PLCL1: variants seen among roughly 807,000 people sequenced by gnomAD.
PLCL1 encodes the protein inactive phospholipase C-like protein 1.
In PLCL1, 41 loss-of-function variants were observed where a neutral mutation model predicts 84.4. The observed-to-expected ratio is 0.49, with a 90% CI of 0.38 to 0.63. PLCL1 has a LOEUF of 0.63. Ranked by LOEUF, PLCL1 falls within the 30% of genes least tolerant of loss-of-function variation. The probability of loss-of-function intolerance (pLI) is 0.00; values close to 1 mark genes in which losing one functional copy is unlikely to be tolerated. For missense variants in PLCL1, 1,206 were observed against 1,367.8 expected, an observed-to-expected ratio of 0.88 and a Z score of 1.87; for synonymous variants, 490 against 488.3, an observed-to-expected ratio of 1.00 and a Z score of -0.05.
Position 197,805,271 on chromosome 2 carries a change from C to G in PLCL1, c.172C>G (p.Pro58Ala). 2 of 1,280,732 alleles carry G rather than the reference C, an allele frequency of 1.6e-6. No homozygotes were observed. The highest frequency in any genetic ancestry group is 2.0e-6 in the Non-Finnish European group (2 of 1,015,436). The allele number at this position is 1,280,732 out of a possible 1,614,324, so 79.3% of individuals were successfully genotyped here. A position where few individuals can be genotyped will look rare whatever the true frequency, so the allele number is the denominator to read the frequency against. Residue 58 changes from proline (P) to alanine (A), a missense_variant, in exon 1 of 6, where the codon CCA (proline) becomes GCA (alanine). By Grantham distance (27) the Pro-to-Ala change is conservative (BLOSUM62 -1). Transcript: ENST00000428675. This position sits in a 1 kb window ranked among gnomAD's most constrained non-coding sequence, Gnocchi z 4.0. ...GVALPGAAGT[P>A]ADSEAGLLEA... Reference sequence around the variant, plus strand: ...CGCACTGCCAGGCGCCGCGGGGACCCCAGCGGACAGCGAGGCGGGCCTCCT... The same window carrying G: ...CGCACTGCCAGGCGCCGCGGGGACCGCAGCGGACAGCGAGGCGGGCCTCCT...
Position 198,115,684 on chromosome 2 carries a change from G to A in PLCL1, c.3105+11748G>A, listed in dbSNP as rs948181193. On this transcript the variant is annotated intron_variant, in intron 5 of 5. Transcript: ENST00000428675. The stretch of plus-strand genomic sequence containing the variant: ...AATCATGGCAGAAGACGGAAGAAGA[G>A]CAAAGGAATGTGTTACATGGTGGCA... 3.3e-5 allele frequency among the ~76,000 whole-genome samples: 5 copies of A among 151,924 alleles called. No homozygotes were observed. The East Asian group carries it at 5.9e-4, about 18-fold the overall frequency.
intron 5 of PLCL1, among the ~76,000 whole-genome samples, chr2:198,118,098 T>C (rs1445258801): frequency 6.6e-6 from 1 of 151,896 alleles, no homozygotes; most frequent in Admixed American, 6.6e-5. Context: ...AGGAATGAAA[T>C]TTTCCTTGGA....
intron 1 of PLCL1, among the ~76,000 whole-genome samples, chr2:198,026,965 CA>C (rs1432227814): frequency 1.3e-5 from 2 of 151,918 alleles, no homozygotes; most frequent in East Asian, 3.9e-4. Context: ...GGAGAGTTCT[CA>C]AAAAACTAAA....
chr2:198,085,277 A>T lies in PLCL1; in HGVS notation c.1760A>T (p.Asp587Val). ...KQIRLCRELS[D>V]LVSICKSVQY... ...ATCCGACTCTGTAGGGAGCTCTCTGATTTGGTGTCTATTTGTAAATCTGTT... is the reference window on the plus strand; with the variant it reads ...ATCCGACTCTGTAGGGAGCTCTCTGTTTTGGTGTCTATTTGTAAATCTGTT... Residue 587 changes from aspartate to valine, a missense_variant, in exon 2 of 6, where the codon GAT becomes GTT. By Grantham distance (152) the Asp-to-Val change is radical (BLOSUM62 -3). Transcript: ENST00000428675. The surrounding 1 kb of genome is among the most constrained non-coding windows in gnomAD (Gnocchi z 5.3). 6.2e-7 allele frequency: 1 copy of T among 1,613,996 alleles called. No individual in the cohort carries two copies. Among genetic ancestry groups the T allele is most frequent in the Non-Finnish European group, 8.5e-7 (1 of 1,179,892 alleles).
chr2:198,084,789 G>A lies in PLCL1; in HGVS notation c.1272G>A (p.Gly424=), dbSNP rs766034904. ...ATCTAATAGAAGACCAGTTCAGGGG[G>A]CCAGCTGACATCAATGGGTACATTA... is the stretch of plus-strand genomic sequence containing the variant. ...NTYLIEDQFR[G]PADINGYIRA... is the part of the protein sequence containing the mutation. Residue 424 remains glycine (G), a synonymous_variant, in exon 2 of 6, where the codon GGG becomes GGA. Transcript: ENST00000428675. The A allele has an allele frequency of 6.8e-6, 11 of 1,614,032 alleles. No homozygotes were observed. The East Asian group carries it at 1.8e-4, about 26-fold the overall frequency.
chr2:197,868,569 T>G (rs111600551), intron 1 of PLCL1, among the ~76,000 whole-genome samples: 4 of 152,230 alleles, frequency 2.6e-5, no homozygotes, highest in African/African-American at 9.6e-5. Context: ...GGCACGATCA[T>G]AGCTGACTGG....
At chr2:197,940,533 A>AT (rs1359075409) in intron 1 of PLCL1, among the ~76,000 whole-genome samples, 8 of 152,182 alleles carry the variant, frequency 5.3e-5, no homozygotes, top group Admixed American at 2.6e-4. Context: ...CTTATCTGGC[A>AT]TTTTTCATTA....
At chr2:198,091,504 AC>A (rs1377531924) in intron 3 of PLCL1, among the ~76,000 whole-genome samples, 1 of 151,284 alleles carries the variant, frequency 6.6e-6, no homozygotes, top group Non-Finnish European at 1.5e-5. Context: ...ACATAGTGAA[AC>A]CCCGTCTCTA....
At chr2:197,959,300 T>A (rs1396217635) in intron 1 of PLCL1, among the ~76,000 whole-genome samples, 2 of 152,004 alleles carry the variant, frequency 1.3e-5, no homozygotes, top group Non-Finnish European at 2.9e-5. Flanking sequence ...ATGTCTGAAA[T>A]CAGTCTTCTC....
intron 1 of PLCL1, among the ~76,000 whole-genome samples, chr2:197,941,418 A>G (rs1307464381): frequency 6.6e-6 from 1 of 151,992 alleles, no homozygotes; most frequent in Non-Finnish European, 1.5e-5. Context: ...TAGCCTCCCA[A>G]GTAGCTGGGG....
chr2:197,829,808 T>G (rs1412244245), intron 1 of PLCL1, among the ~76,000 whole-genome samples: 1 of 152,204 alleles, frequency 6.6e-6, no homozygotes, highest in East Asian at 1.9e-4. Context: ...AGTCATCCAG[T>G]GCTCTTTGCA....
chr2:198,117,758 C>G (rs939042418), intron 5 of PLCL1, among the ~76,000 whole-genome samples: 1 of 151,828 alleles, frequency 6.6e-6, no homozygotes, highest in South Asian at 2.1e-4. Flanking sequence ...TAACTATGTC[C>G]TAGTATTAAA....
intron 1 of PLCL1, among the ~76,000 whole-genome samples, chr2:197,897,162 CTTCTTCTTCTTCTTCTTCTTCTT>C (rs1688157252): frequency 3.1e-5 from 1 of 31,792 alleles, no homozygotes; most frequent in Admixed American, 3.1e-4. Flanking sequence ...TCTTCTTCTT[CTTCTTCTTCTTCTTCTTCTTCTT>C]CTTCTCCTTC....
chr2:197,956,051 A>G (rs563172486), intron 1 of PLCL1, among the ~76,000 whole-genome samples: 3 of 151,410 alleles, frequency 2.0e-5, no homozygotes, highest in Admixed American at 2.0e-4. Context: ...GCTCCCACTT[A>G]TGAATGAGAA....
At chr2:197,987,733 G>A (rs889771038) in intron 1 of PLCL1, among the ~76,000 whole-genome samples, 2 of 152,186 alleles carry the variant, frequency 1.3e-5, no homozygotes, top group Admixed American at 6.5e-5. Flanking sequence ...ATGCCAAAAT[G>A]ATGCACACTT....
chr2:198,116,443 T>C (rs1249300507), intron 5 of PLCL1, among the ~76,000 whole-genome samples: 1 of 151,908 alleles, frequency 6.6e-6, no homozygotes, highest in Admixed American at 6.6e-5. Context: ...GGATAATTAA[T>C]AACTGAATTT....
chr2:197,885,104 C>T (rs908516457), intron 1 of PLCL1, among the ~76,000 whole-genome samples: 1 of 152,222 alleles, frequency 6.6e-6, no homozygotes, highest in African/African-American at 2.4e-5. Context: ...TATATACTAC[C>T]TCAGACTTTT....
chr2:198,143,094 C>T (rs1409959150), intron 5 of PLCL1, among the ~76,000 whole-genome samples: 1 of 152,074 alleles, frequency 6.6e-6, no homozygotes, highest in East Asian at 1.9e-4. Flanking sequence ...TTAAGAATGA[C>T]TTGTTAGGTT....
At chr2:198,130,899 T>G (rs1030648394) in intron 5 of PLCL1, among the ~76,000 whole-genome samples, 1 of 152,052 alleles carries the variant, frequency 6.6e-6, no homozygotes, top group African/African-American at 2.4e-5. Flanking sequence ...AGAGCTGGAG[T>G]GATCTTTTTG....
Sources: allele counts gnomAD v4.1 joint callset (sites outside exome capture counted in the v4.1 genomes callset), GRCh38; gene constraint gnomAD v4.1.1; non-coding constraint Gnocchi (gnomAD v3.1); transcripts MANE v1.5; gene names NCBI Gene and HGNC (gene_info 2026-07-23, HGNC 2026-07-21).